Variants in SYTL3 observed in about 807,000 individuals in gnomAD.
SYTL3 encodes the protein synaptotagmin-like protein 3.
A neutral mutation model predicts 82.1 loss-of-function variants in SYTL3; 88 were observed. The ratio of observed to expected loss-of-function variants is 1.07; its 90% CI spans 0.90 to 1.28. SYTL3 has a LOEUF of 1.28. Ranked by LOEUF, SYTL3 falls within the 50% of genes most tolerant of loss-of-function variation. The probability of loss-of-function intolerance (pLI) is 0.00; values close to 1 mark genes in which losing one functional copy is unlikely to be tolerated. For missense variants in SYTL3, 831 were observed against 757.6 expected (o/e 1.10, Z -1.14); for synonymous variants, 311 against 289.4 (o/e 1.07, Z -0.76).
At position 158,665,388 on chromosome 6, in the gene SYTL3, G is replaced by T; in HGVS notation, c.111-7G>T. 6.4e-7 allele frequency: 1 copy of T among 1,571,086 alleles called. No homozygotes were observed. Among genetic ancestry groups the T allele is most frequent in the African/African-American group, 1.4e-5 (1 of 74,062 alleles). On this transcript the variant is annotated splice_polypyrimidine_tract_variant and splice_region_variant and intron_variant, in intron 4 of 17. Transcript: ENST00000611299. ...AATACTATCTTCTTTAACTCTGAGG[G>T]CTGCAGGAAACTGAAAACACACCTG...
intron 8 of SYTL3, 135 bp from the exon 9 acceptor site, chr6:158,713,665 A>AC (rs1783019068): frequency 1.5e-6 from 1 of 680,128 alleles, no homozygotes; most frequent in South Asian, 1.7e-5. Flanking sequence ...GCCCACCTGC[A>AC]CCCCCAGCAC....
At chr6:158,755,631 A>G (rs1206143630) in intron 13 of SYTL3, among the ~76,000 whole-genome samples, 1 of 152,192 alleles carries the variant, frequency 6.6e-6, no homozygotes, top group Non-Finnish European at 1.5e-5. Context: ...AAGGAGGGAA[A>G]TTACCGTGTC....
At chr6:158,693,562 T>C (rs1780153280) in intron 6 of SYTL3, among the ~76,000 whole-genome samples, 1 of 152,174 alleles carries the variant, frequency 6.6e-6, no homozygotes, top group Non-Finnish European at 1.5e-5. Flanking sequence ...CTTTTGCATT[T>C]TTAGTAGAGA....
intron 6 of SYTL3, among the ~76,000 whole-genome samples, chr6:158,706,907 CT>C (rs1782163943): frequency 6.6e-6 from 1 of 152,166 alleles, no homozygotes; most frequent in Non-Finnish European, 1.5e-5. Flanking sequence ...CCAATATCAA[CT>C]TTTAATAAAA....
At chr6:158,665,221 T>C (rs1789884701) in intron 4 of SYTL3, among the ~76,000 whole-genome samples, 174 bp from the exon 5 acceptor site, 1 of 152,162 alleles carries the variant, frequency 6.6e-6, no homozygotes, top group Non-Finnish European at 1.5e-5. Flanking sequence ...CCCTTGAGAC[T>C]CGACTCTGAG....
rs770965928 is a variant in SYTL3, at chr6:158,764,494, GA to G, written c.1724del (p.Lys575ArgfsTer31). On this transcript the variant is annotated frameshift_variant and splice_region_variant, in exon 18 of 18. Transcript: ENST00000611299. LOFTEE classifies it low-confidence loss of function (END_TRUNC). ...RLLGGTRLGS[K>X]GDTAVGGDAC... ...GGCTAAATTGTCTTCCTCTCTTACA[GA>G]GGGAGACACAGCTGTTGGCGGGGAT... 1 of 1,612,262 alleles carries G rather than the reference GA, an allele frequency of 6.2e-7. No homozygotes were observed. Among genetic ancestry groups the G allele is most frequent in the Non-Finnish European group, 8.5e-7 (1 of 1,178,622 alleles).
chr6:158,652,776 C>T (rs908217902), intron 2 of SYTL3, among the ~76,000 whole-genome samples: 3 of 151,954 alleles, frequency 2.0e-5, no homozygotes, highest in Non-Finnish European at 2.9e-5. Context: ...CTCCTGACCT[C>T]GTGATCCACC....
rs13194489 is a variant in SYTL3, at chr6:158,705,137, G to A, written c.395-2093G>A. On this transcript the variant is annotated intron_variant, in intron 6 of 17. Coordinates refer to ENST00000611299, the MANE Select transcript of SYTL3 (RefSeq NM_001242394.2). ...TGGGGACAGGGTGACAGTGAGGGCT[G>A]TAAGGCCACATAGGGCAGGAGGGAC... 6.5e-4 allele frequency among the ~76,000 whole-genome samples: 39 copies of A among 59,698 alleles called. 1 individual carries two copies. Among genetic ancestry groups the A allele is most frequent in the South Asian group, 1.0e-3 (1 of 968 alleles). 39.2% of individuals were successfully genotyped at this position (59,698 alleles called of 152,430 possible).
intron 10 of SYTL3, among the ~76,000 whole-genome samples, chr6:158,722,351 A>G (rs1275614735): frequency 6.6e-6 from 1 of 151,948 alleles, no homozygotes; most frequent in Non-Finnish European, 1.5e-5. Flanking sequence ...TTCTAGAGAT[A>G]GGGTTTTACC....
intron 6 of SYTL3, among the ~76,000 whole-genome samples, chr6:158,684,997 C>T (rs1779132598): frequency 6.6e-6 from 1 of 152,068 alleles, no homozygotes; most frequent in Admixed American, 6.6e-5. Flanking sequence ...GAGACTTTTT[C>T]AAAGTTGCTA....
intron 6 of SYTL3, among the ~76,000 whole-genome samples, chr6:158,698,622 G>A (rs1279569944): frequency 1.3e-5 from 2 of 152,154 alleles, no homozygotes; most frequent in African/African-American, 2.4e-5. Context: ...TCAAACTTCA[G>A]TGTGGGTCAA....
chr6:158,669,408 G>A (rs1777114466), intron 5 of SYTL3, among the ~76,000 whole-genome samples: 1 of 152,170 alleles, frequency 6.6e-6, no homozygotes, highest in Non-Finnish European at 1.5e-5. Context: ...GGTATCTGTG[G>A]ACACACTGCC....
chr6:158,725,992 G>A (rs1784682391), intron 11 of SYTL3: 1 of 664,678 alleles, frequency 1.5e-6, no homozygotes, highest in South Asian at 1.4e-5. Flanking sequence ...AGCTGCGTTA[G>A]GCATGCAAGC....
intron 2 of SYTL3, among the ~76,000 whole-genome samples, chr6:158,659,424 T>A (rs2067339262): frequency 6.6e-6 from 1 of 152,170 alleles, no homozygotes; most frequent in Non-Finnish European, 1.5e-5. Flanking sequence ...GGTGCGATCT[T>A]GGCTCACTGC....
chr6:158,707,890 T>C (rs1213033854), intron 7 of SYTL3, among the ~76,000 whole-genome samples: 1 of 152,240 alleles, frequency 6.6e-6, no homozygotes. Context: ...CCCCTGTTCT[T>C]TCCCATTTCT....
intron 11 of SYTL3, among the ~76,000 whole-genome samples, chr6:158,731,120 T>G (rs1307373920): frequency 1.3e-5 from 2 of 150,898 alleles, no homozygotes; most frequent in African/African-American, 4.9e-5. Flanking sequence ...ATGTCTCTAC[T>G]AAAAATACAA....
chr6:158,703,774 C>A (rs1233856202), intron 6 of SYTL3, among the ~76,000 whole-genome samples: 3 of 151,578 alleles, frequency 2.0e-5, no homozygotes, highest in Admixed American at 2.0e-4. Flanking sequence ...GGTCCCCCTG[C>A]ATGCTTTCAT....
In SYTL3 at chr6:158,701,151, G is replaced by A. The variant is rs73797085; in HGVS notation, c.395-6079G>A. On this transcript the variant is annotated intron_variant, in intron 6 of 17. Coordinates refer to ENST00000611299, the MANE Select transcript of SYTL3 (RefSeq NM_001242394.2). ...AACTCTTAGAAGGGTCATGGAGGAGGTGAGCTGGGGTGTAGATGAAGGAGG... is the reference window on the plus strand; with the variant it reads ...AACTCTTAGAAGGGTCATGGAGGAGATGAGCTGGGGTGTAGATGAAGGAGG... Among the ~76,000 whole-genome samples the A allele has an allele frequency of 4.9e-3, 691 of 142,126 alleles. 2 individuals are homozygous for A. Among genetic ancestry groups the A allele is most frequent in the African/African-American group, 0.015 (557 of 36,222 alleles). The allele number at this position is 142,126 out of a possible 152,430, so 93.2% of individuals were successfully genotyped here.
At chr6:158,733,466 A>G (rs1785684561) in intron 11 of SYTL3, among the ~76,000 whole-genome samples, 1 of 152,006 alleles carries the variant, frequency 6.6e-6, no homozygotes, top group African/African-American at 2.4e-5. Flanking sequence ...AACTGGAACC[A>G]CAGGTGCCCG....
Sources: allele counts gnomAD v4.1 joint callset (sites outside exome capture counted in the v4.1 genomes callset), GRCh38; gene constraint gnomAD v4.1.1; transcripts MANE v1.5; gene names NCBI Gene and HGNC (gene_info 2026-07-23, HGNC 2026-07-21).